WDR64: variants seen among roughly 807,000 people sequenced by gnomAD.
The protein encoded by WDR64 is WD repeat domain 64.
WDR64 carries 112 observed loss-of-function variants against 139.3 expected under a neutral mutation model. That is an observed-to-expected ratio of 0.80 (90% CI 0.69 to 0.94). The LOEUF (loss-of-function observed/expected upper bound fraction) is 0.94, where lower values mean the gene tolerates loss of function less well. Among genes scored for constraint, WDR64 ranks in the 40% least tolerant of loss-of-function variants. The pLI is 0.00. For missense variants in WDR64, 1,206 were observed against 1,293.1 expected (o/e 0.93, Z 1.03); for synonymous variants, 444 against 437.7 (o/e 1.01, Z -0.18).
intron 8 of WDR64, among the ~76,000 whole-genome samples, chr1:241,702,396 A>G (rs1338687128): frequency 1.3e-5 from 2 of 152,178 alleles, no homozygotes; most frequent in East Asian, 1.9e-4. Flanking sequence ...CCTACATGAT[A>G]GTCTTATAAA....
chr1:241,798,541 C>T (rs1266256763), intron 27 of WDR64, among the ~76,000 whole-genome samples: 1 of 152,138 alleles, frequency 6.6e-6, no homozygotes, highest in African/African-American at 2.4e-5. Flanking sequence ...ACACCAAATG[C>T]CTCGTTTCAT....
intron 10 of WDR64, among the ~76,000 whole-genome samples, chr1:241,736,481 A>G (rs1669331437): frequency 6.6e-6 from 1 of 151,802 alleles, no homozygotes; most frequent in African/African-American, 2.4e-5. Flanking sequence ...GAAATTGCAG[A>G]TGAAAGGAAG....
At chr1:241,692,530 T>C (rs1558475455) in intron 8 of WDR64, among the ~76,000 whole-genome samples, 2 of 152,336 alleles carry the variant, frequency 1.3e-5, no homozygotes, top group South Asian at 4.1e-4. Context: ...GAGCAAGATA[T>C]TCTTTTTAAC....
At chr1:241,779,709 A>G (rs1005968333) in intron 21 of WDR64, among the ~76,000 whole-genome samples, 1 of 152,120 alleles carries the variant, frequency 6.6e-6, no homozygotes, top group African/African-American at 2.4e-5. Context: ...AGGCACCTGT[A>G]ATCCCAGCTA....
Position 241,801,877 on chromosome 1 carries a change from A to C in WDR64, c.*662A>C, listed in dbSNP as rs1461934086. The C allele has an allele frequency of 5.0e-6, 2 of 398,106 alleles. No individual in the cohort carries two copies. Among genetic ancestry groups the C allele is most frequent in the African/African-American group, 4.1e-5 (2 of 48,622 alleles). The allele number at this position is 398,106 out of a possible 1,614,324, so 24.7% of individuals were successfully genotyped here. On this transcript the variant is annotated 3_prime_UTR_variant, in exon 28 of 28. Coordinates refer to ENST00000437684, the MANE Select transcript of WDR64 (RefSeq NM_001367482.1). ...TATATCAATAATTATGAAACCTTTAATAGGTTAAAGTATGCAAGTTTAAAA... is the reference window on the plus strand; with the variant it reads ...TATATCAATAATTATGAAACCTTTACTAGGTTAAAGTATGCAAGTTTAAAA...
chr1:241,675,223 TTCCTTCCTCCC>T (rs1199789329), intron 4 of WDR64, among the ~76,000 whole-genome samples: 1 of 74,506 alleles, frequency 1.3e-5, no homozygotes, highest in East Asian at 4.7e-4. Context: ...CCCTCCCTTC[TTCCTTCCTCCC>T]TCCTTCCTCC....
At chr1:241,753,529 C>G (rs1670054800) in intron 14 of WDR64, among the ~76,000 whole-genome samples, 1 of 152,126 alleles carries the variant, frequency 6.6e-6, no homozygotes, top group Non-Finnish European at 1.5e-5. Flanking sequence ...TATGGCAAAA[C>G]TCCATCTCTA....
chr1:241,673,421 CT>C (rs112038890), intron 3 of WDR64, among the ~76,000 whole-genome samples: 3 of 151,362 alleles, frequency 2.0e-5, no homozygotes, highest in Non-Finnish European at 4.4e-5. Context: ...GTTTCTCCAT[CT>C]TTTTTTTTAA....
rs1314208889 is a variant in WDR64 at position 241,656,908 on chromosome 1, GTGTC to G, written c.146-3615_146-3612del. Reference sequence around the variant, plus strand: ...TGTGTGTGTGTGTGTGTGTGTGTGTGTGTCTGTCTGGGGATGGAGGTGAGGTGCA... The same window carrying G: ...TGTGTGTGTGTGTGTGTGTGTGTGTGTGTCTGGGGATGGAGGTGAGGTGCA... On this transcript the variant is annotated intron_variant, in intron 1 of 27. Coordinates refer to ENST00000437684, the MANE Select transcript of WDR64 (RefSeq NM_001367482.1). The surrounding 1 kb of genome is among the most constrained non-coding windows in gnomAD (Gnocchi z 4.3). 1.5e-3 allele frequency among the ~76,000 whole-genome samples: 218 copies of G among 147,966 alleles called. 2 individuals carry two copies. Among genetic ancestry groups the G allele is most frequent in the East Asian group, 5.7e-3 (28 of 4,950 alleles).
Position 241,687,447 on chromosome 1 carries a change from T to G in WDR64, c.840-14T>G. 1 of 1,613,286 alleles carries G rather than the reference T, an allele frequency of 6.2e-7. No homozygotes were observed. The highest frequency in any genetic ancestry group is 1.1e-5 in the South Asian group (1 of 90,968). On this transcript the variant is annotated splice_polypyrimidine_tract_variant and intron_variant, in intron 7 of 27. Transcript: ENST00000437684. ...GTCTAACATAAATCTCCCCTGCCTTTTCTTAATCCCCAGTGTTAAAAGGAA... is the reference window on the plus strand; with the variant it reads ...GTCTAACATAAATCTCCCCTGCCTTGTCTTAATCCCCAGTGTTAAAAGGAA...
At chr1:241,675,896 T>A (rs936178499) in intron 4 of WDR64, among the ~76,000 whole-genome samples, 1 of 152,202 alleles carries the variant, frequency 6.6e-6, no homozygotes, top group African/African-American at 2.4e-5. Flanking sequence ...GGACTTTCAC[T>A]TTAATGGAAT....
In WDR64 at chr1:241,773,013, A is replaced by G. The variant is rs1489453226; in HGVS notation, c.2430+82A>G. 2.9e-6 allele frequency: 4 copies of G among 1,392,600 alleles called. No individual in the cohort carries two copies. The African/African-American group carries it at 4.4e-5, about 15-fold the overall frequency. 86.3% of individuals were successfully genotyped at this position (1,392,600 alleles called of 1,614,324 possible). A position where few individuals can be genotyped will look rare whatever the true frequency, so the allele number is the denominator to read the frequency against. On this transcript the variant is annotated intron_variant, in intron 20 of 27. Transcript: ENST00000437684. Reference sequence around the variant, plus strand: ...ATTAAATGAATCTTAGTGTTCTTCCATATGGCATCCAATTATAATATTTTT... The same window carrying G: ...ATTAAATGAATCTTAGTGTTCTTCCGTATGGCATCCAATTATAATATTTTT...
chr1:241,758,422 T>G (rs1251542216), intron 15 of WDR64, among the ~76,000 whole-genome samples: 1 of 152,088 alleles, frequency 6.6e-6, no homozygotes, highest in African/African-American at 2.4e-5. Flanking sequence ...CTGGAACGTG[T>G]GTAAAGAAAA....
At chr1:241,721,788 A>G (rs1434143947) in intron 9 of WDR64, among the ~76,000 whole-genome samples, 2 of 152,166 alleles carry the variant, frequency 1.3e-5, no homozygotes, top group African/African-American at 4.8e-5. Flanking sequence ...CTTTTTGGAA[A>G]CATAATTAGA....
At chr1:241,692,037 A>G (rs866070195) in intron 8 of WDR64, among the ~76,000 whole-genome samples, 1 of 152,144 alleles carries the variant, frequency 6.6e-6, no homozygotes, top group Middle Eastern at 3.4e-3. Context: ...ATAAAAAAAA[A>G]AAAAAGAAAC....
intron 25 of WDR64, among the ~76,000 whole-genome samples, chr1:241,794,616 C>A (rs1659307654): frequency 7.2e-6 from 1 of 138,158 alleles, no homozygotes; most frequent in African/African-American, 2.7e-5. Context: ...TCAAGTGATT[C>A]TTCTGCCTCA....
chr1:241,744,252 A>C, intron 12 of WDR64, 141 bp from the exon 13 acceptor site: 1 of 1,036,522 alleles, frequency 9.6e-7, no homozygotes, highest in Non-Finnish European at 1.4e-6. Flanking sequence ...TGATAAAACC[A>C]ACATTCAGGG....
chr1:241,695,373 A>C (rs1304142783), intron 8 of WDR64, among the ~76,000 whole-genome samples: 1 of 152,184 alleles, frequency 6.6e-6, no homozygotes, highest in East Asian at 1.9e-4. Flanking sequence ...ATTTGGAAGC[A>C]GCCATGCTAC....
chr1:241,667,375 G>A (rs1379083482), intron 2 of WDR64, among the ~76,000 whole-genome samples: 1 of 152,166 alleles, frequency 6.6e-6, no homozygotes, highest in Non-Finnish European at 1.5e-5. Context: ...TTCTGAAGGT[G>A]CCCGTCTTCC....
Sources: gnomAD v4.1 joint callset for allele counts (sites outside exome capture counted in the v4.1 genomes callset) on GRCh38, gnomAD v4.1.1 for gene constraint, Gnocchi (gnomAD v3.1) non-coding constraint, MANE v1.5 for transcripts, NCBI Gene and HGNC (gene_info 2026-07-23, HGNC 2026-07-21) for gene names.